KIAA1549: variants seen among roughly 807,000 people sequenced by gnomAD.
KIAA1549 encodes UPF0606 protein KIAA1549.
KIAA1549 carries 70 observed loss-of-function variants against 156.4 expected under a neutral mutation model. The observed-to-expected ratio is 0.45, with a 90% CI of 0.37 to 0.55. KIAA1549 has a LOEUF of 0.55. KIAA1549 is among the 20% of genes least tolerant of loss of function. The pLI is 0.00. For missense variants in KIAA1549, 2,428 were observed against 2,540.9 expected (o/e 0.96, Z 0.96); for synonymous variants, 1,103 against 1,066.4 (o/e 1.03, Z -0.67).
intron 1 of KIAA1549, among the ~76,000 whole-genome samples, chr7:138,963,188 C>G (rs1813906318): frequency 6.6e-6 from 1 of 152,258 alleles, no homozygotes; most frequent in Admixed American, 6.5e-5. Context: ...GGCATGCCTT[C>G]TGGCACTGGC....
chr7:138,893,110 T>C (rs1411566829), intron 10 of KIAA1549, among the ~76,000 whole-genome samples: 1 of 152,240 alleles, frequency 6.6e-6, no homozygotes, highest in African/African-American at 2.4e-5. Context: ...TCAATGTCTT[T>C]GCTCTGAAAC....
chr7:138,978,735 T>C (rs1814454973), intron 1 of KIAA1549, among the ~76,000 whole-genome samples: 1 of 152,188 alleles, frequency 6.6e-6, no homozygotes, highest in Non-Finnish European at 1.5e-5. Flanking sequence ...CCACTGCTTA[T>C]TCCTTAGAAA....
intron 1 of KIAA1549, among the ~76,000 whole-genome samples, chr7:138,920,160 G>A (rs1812523082): frequency 6.9e-6 from 1 of 145,886 alleles, no homozygotes. Flanking sequence ...ACCCCCGCCT[G>A]GAATGCCCTT....
At chr7:138,924,154 A>G (rs1812642150) in intron 1 of KIAA1549, among the ~76,000 whole-genome samples, 1 of 151,414 alleles carries the variant, frequency 6.6e-6, no homozygotes, top group African/African-American at 2.4e-5. Flanking sequence ...TTATGACCAC[A>G]GTAAAATAGC....
intron 9 of KIAA1549, among the ~76,000 whole-genome samples, chr7:138,898,453 G>A (rs1250120221): frequency 6.6e-6 from 1 of 152,132 alleles, no homozygotes; most frequent in Non-Finnish European, 1.5e-5. Flanking sequence ...GTGACGTGAG[G>A]ATAGGTGGGA....
In KIAA1549 at chr7:138,903,486, C is replaced by T. The variant is rs1435239583; in HGVS notation, c.3669+102G>A. 5.8e-6 allele frequency: 7 copies of T among 1,215,464 alleles called. No homozygotes were observed. The African/African-American group carries it at 9.1e-5, about 16-fold the overall frequency. 75.3% of individuals were successfully genotyped at this position (1,215,464 alleles called of 1,614,324 possible). On this transcript the variant is annotated intron_variant, in intron 8 of 19. Transcript: ENST00000422774. The stretch of plus-strand genomic sequence containing the variant: ...ATCAGAAATTTCTCATGGCACTTCT[C>T]ATTTGCATAAAAATACAGGGTTTTA...
chr7:138,938,206 C>A (rs1439467355), intron 1 of KIAA1549, among the ~76,000 whole-genome samples: 5 of 152,130 alleles, frequency 3.3e-5, no homozygotes, highest in Admixed American at 1.3e-4. Flanking sequence ...AGAAACCGAG[C>A]CTGCTATGAT....
chr7:138,883,575 C>T (rs1811311063), intron 10 of KIAA1549, among the ~76,000 whole-genome samples: 1 of 152,062 alleles, frequency 6.6e-6, no homozygotes, highest in South Asian at 2.1e-4. Flanking sequence ...CCTTGGCCGC[C>T]CAAAGTGCTA....
At chr7:138,951,762 C>T (rs1296828708) in intron 1 of KIAA1549, among the ~76,000 whole-genome samples, 1 of 152,178 alleles carries the variant, frequency 6.6e-6, no homozygotes, top group Non-Finnish European at 1.5e-5. Context: ...AAATTCTATA[C>T]ATCATGATGA....
intron 4 of KIAA1549, among the ~76,000 whole-genome samples, chr7:138,910,006 T>A (rs1046669005): frequency 1.3e-5 from 2 of 152,158 alleles, no homozygotes; most frequent in Non-Finnish European, 2.9e-5. Flanking sequence ...AAAGTCTTTA[T>A]CTTTTAGAGG....
intron 1 of KIAA1549, among the ~76,000 whole-genome samples, chr7:138,952,365 G>GC (rs1813527706): frequency 6.6e-6 from 1 of 152,198 alleles, no homozygotes; most frequent in Non-Finnish European, 1.5e-5. Flanking sequence ...AAGAAATCAG[G>GC]CTAAGGCAAG....
chr7:138,925,228 A>G (rs528636016), intron 1 of KIAA1549, among the ~76,000 whole-genome samples: 1 of 152,204 alleles, frequency 6.6e-6, no homozygotes, highest in Non-Finnish European at 1.5e-5. Context: ...AGACTCTCAC[A>G]AGCAAGACGA....
intron 6 of KIAA1549, among the ~76,000 whole-genome samples, chr7:138,906,621 A>G (rs919096025): frequency 3.3e-5 from 5 of 152,192 alleles, no homozygotes; most frequent in African/African-American, 1.2e-4. Flanking sequence ...ACACAAAGGC[A>G]TAAGAATGAT....
At chr7:138,962,851 T>A (rs892812637) in intron 1 of KIAA1549, among the ~76,000 whole-genome samples, 2 of 152,238 alleles carry the variant, frequency 1.3e-5, no homozygotes, top group Non-Finnish European at 2.9e-5. Context: ...CCCCTTTAGC[T>A]TTAAAAGAAT....
rs1196794823 is a variant in KIAA1549 at position 138,836,250 on chromosome 7, T to C, written c.*1656A>G. ...CCCATAAGATTATAAAATTGTATTT[T>C]TACCATACCTTTTCTATGTTTAGCT... On this transcript the variant is annotated 3_prime_UTR_variant, in exon 20 of 20. Transcript: ENST00000422774. 9.8e-6 allele frequency: 2 copies of C among 203,432 alleles called. No individual in the cohort carries two copies. Among genetic ancestry groups the C allele is most frequent in the Non-Finnish European group, 2.0e-5 (2 of 99,168 alleles). 12.6% of individuals were successfully genotyped at this position (203,432 alleles called of 1,614,324 possible). A position where few individuals can be genotyped will look rare whatever the true frequency, so the allele number is the denominator to read the frequency against.
At chr7:138,951,122 G>C (rs943177500) in intron 1 of KIAA1549, among the ~76,000 whole-genome samples, 12 of 152,180 alleles carry the variant, frequency 7.9e-5, no homozygotes, top group Middle Eastern at 3.4e-3. Flanking sequence ...CTGGAATGCA[G>C]TGGTGCAATC....
rs1812195480 is a variant in KIAA1549 at position 138,912,390 on chromosome 7, G to A, written c.2949C>T (p.Asn983=). The change falls in exon 3 of 20, where the codon AAC becomes AAT. Residue 983 remains asparagine, a synonymous_variant. Coordinates refer to ENST00000422774, the MANE Select transcript of KIAA1549 (RefSeq NM_001164665.2). ...AIKEVLRIHF[N]RAVELKVYEL... Reference sequence around the variant, plus strand: ...GACTCACCTTCAGTTCCACTGCACGGTTGAAGTGAATCCTCAGTACTTCTT... The same window carrying A: ...GACTCACCTTCAGTTCCACTGCACGATTGAAGTGAATCCTCAGTACTTCTT... The A allele has an allele frequency of 6.2e-7, 1 of 1,613,488 alleles. No individual in the cohort carries two copies. The highest frequency in any genetic ancestry group is 1.1e-5 in the South Asian group (1 of 91,076).
chr7:138,911,774 G>A lies in KIAA1549; in HGVS notation c.2968-451C>T, dbSNP rs146800686. 6.2e-3 allele frequency among the ~76,000 whole-genome samples: 942 copies of A among 152,220 alleles called. 9 individuals carry two copies. The highest frequency in any genetic ancestry group is 0.021 in the African/African-American group (892 of 41,500). On this transcript the variant is annotated intron_variant, in intron 3 of 19. Coordinates refer to ENST00000422774, the MANE Select transcript of KIAA1549 (RefSeq NM_001164665.2). Reference sequence around the variant, plus strand: ...GAAGTCAATACAAAACACTATTAATGAGATATTCTACCCTCCTTTTTTCAC... The same window carrying A: ...GAAGTCAATACAAAACACTATTAATAAGATATTCTACCCTCCTTTTTTCAC...
chr7:138,925,829 CAAAAAAAAAA>C (rs59066216), intron 1 of KIAA1549, among the ~76,000 whole-genome samples: 2,981 of 44,672 alleles, frequency 0.067, 58 homozygotes, highest in Admixed American at 0.14. Flanking sequence ...GATCCTGTCT[CAAAAAAAAAA>C]AAAAAAAAAA....
Sources: allele counts gnomAD v4.1 joint callset (sites outside exome capture counted in the v4.1 genomes callset), GRCh38; gene constraint gnomAD v4.1.1; transcripts MANE v1.5; gene names NCBI Gene and HGNC (gene_info 2026-07-23, HGNC 2026-07-21).